MAGI2: variants seen among roughly 807,000 people sequenced by gnomAD.
MAGI2 encodes membrane-associated guanylate kinase, WW and PDZ domain-containing protein 2.
MAGI2 carries 35 observed loss-of-function variants against 133.3 expected under a neutral mutation model. The ratio of observed to expected loss-of-function variants is 0.26; its 90% CI spans 0.20 to 0.35. The LOEUF (loss-of-function observed/expected upper bound fraction) is 0.35, where lower values mean the gene tolerates loss of function less well. Ranked by LOEUF, MAGI2 falls within the 10% of genes least tolerant of loss-of-function variation. The pLI is 1.00. For missense variants in MAGI2, 1,636 were observed against 1,863.4 expected (o/e 0.88, Z 2.25); for synonymous variants, 729 against 710.6 (o/e 1.03, Z -0.41).
At chr7:78,255,795 A>T in intron 10 of MAGI2, 148 bp downstream of exon 10, 1 of 786,444 alleles carries the variant, frequency 1.3e-6, no homozygotes, top group Non-Finnish European at 2.0e-6. Context: ...GTTTCCTTTA[A>T]TTCATGTTTT....
At chr7:78,165,703 C>A (rs1825556234) in intron 15 of MAGI2, among the ~76,000 whole-genome samples, 1 of 152,148 alleles carries the variant, frequency 6.6e-6, no homozygotes. Context: ...ACCATCCACT[C>A]CTAAGCCAGG....
intron 1 of MAGI2, among the ~76,000 whole-genome samples, chr7:79,070,409 C>G (rs1027991973): frequency 2.0e-5 from 3 of 151,440 alleles, no homozygotes; most frequent in Non-Finnish European, 4.4e-5. Context: ...GCTATTGATA[C>G]TTGTATATGC....
intron 10 of MAGI2, among the ~76,000 whole-genome samples, chr7:78,245,920 C>T (rs1791727113): frequency 6.6e-6 from 1 of 152,170 alleles, no homozygotes. Flanking sequence ...ATGTCCTGCT[C>T]TCGGGGTGAG....
At chr7:79,447,581 T>C (rs921593551) in intron 1 of MAGI2, among the ~76,000 whole-genome samples, 4 of 152,036 alleles carry the variant, frequency 2.6e-5, no homozygotes, top group Admixed American at 6.6e-5. Context: ...TGCTTCACCT[T>C]GTAACAGTAT....
intron 2 of MAGI2, among the ~76,000 whole-genome samples, chr7:78,697,412 G>T: frequency 6.6e-6 from 1 of 152,110 alleles, no homozygotes; most frequent in East Asian, 1.9e-4. Flanking sequence ...GAGACTGAGT[G>T]CACGGACTTA....
intron 1 of MAGI2, among the ~76,000 whole-genome samples, chr7:79,399,090 C>T (rs13225401): frequency 0.022 from 2,211 of 100,142 alleles, 130 homozygotes; most frequent in East Asian, 0.13. Context: ...TTTTTTTTTT[C>T]TTTTCTTTTT....
intron 2 of MAGI2, among the ~76,000 whole-genome samples, chr7:78,717,345 T>C (rs995818387): frequency 1.3e-5 from 2 of 152,056 alleles, no homozygotes; most frequent in Non-Finnish European, 2.9e-5. Flanking sequence ...GAAAGGTATA[T>C]AATTAAGCAG....
At chr7:78,895,381 G>T (rs931791778) in intron 2 of MAGI2, among the ~76,000 whole-genome samples, 1 of 152,044 alleles carries the variant, frequency 6.6e-6, no homozygotes, top group Non-Finnish European at 1.5e-5. Flanking sequence ...CCATTATAGC[G>T]ACAGAAAATG....
At chr7:78,402,870 A>G (rs1797017027) in intron 6 of MAGI2, among the ~76,000 whole-genome samples, 1 of 152,224 alleles carries the variant, frequency 6.6e-6, no homozygotes, top group Admixed American at 6.5e-5. Context: ...CAAATATGTA[A>G]TATATGAGAA....
At chr7:78,880,788 TA>T (rs34413916) in intron 2 of MAGI2, among the ~76,000 whole-genome samples, 92,792 of 151,912 alleles carry the variant, frequency 0.61, 29,662 homozygotes, top group Middle Eastern at 0.75. Context: ...GCAAGCTGGA[TA>T]AAAAATTAAG....
chr7:78,983,064 A>T (rs1804927267), intron 2 of MAGI2, among the ~76,000 whole-genome samples: 1 of 151,986 alleles, frequency 6.6e-6, no homozygotes, highest in Non-Finnish European at 1.5e-5. Context: ...AATTTTTAGA[A>T]ATTTGATTAC....
In MAGI2 at chr7:78,920,364, A is replaced by ATGG. The variant is rs1358758260; in HGVS notation, c.418+86723_418+86725dup. On this transcript the variant is annotated intron_variant, in intron 2 of 21. Transcript: ENST00000354212. ...AATGTCTTAGAATAATTTCTTGAAC[A>ATGG]TGGTGAGTACTCAATAAATCTTTGT... is the stretch of plus-strand genomic sequence containing the variant. Among the ~76,000 whole-genome samples, 38 of 152,188 alleles carry ATGG rather than the reference A, an allele frequency of 2.5e-4. 1 individual carries two copies. Among genetic ancestry groups the ATGG allele is most frequent in the Non-Finnish European group, 2.2e-4 (15 of 68,018 alleles).
rs536018995 is a variant in MAGI2 at position 78,037,911 on chromosome 7, G to T, written c.3707-17935C>A. ...CTGAAGCAGTAGGAACTAGTTCCTGGGCTGTGTGCACGTCTGGAGTCTAAA... is the reference window on the plus strand; with the variant it reads ...CTGAAGCAGTAGGAACTAGTTCCTGTGCTGTGTGCACGTCTGGAGTCTAAA... On this transcript the variant is annotated intron_variant, in intron 21 of 21. Transcript: ENST00000354212. Among the ~76,000 whole-genome samples, 7 of 152,240 alleles carry T rather than the reference G, an allele frequency of 4.6e-5. No homozygotes were observed. The East Asian group carries it at 1.4e-3, about 29-fold the overall frequency.
At chr7:79,125,942 G>T (rs896999139) in intron 1 of MAGI2, among the ~76,000 whole-genome samples, 1 of 152,258 alleles carries the variant, frequency 6.6e-6, no homozygotes, top group Non-Finnish European at 1.5e-5. Flanking sequence ...CTGCTACAAA[G>T]AAGACATGTT....
rs867106924 is a variant in MAGI2 at position 78,127,418 on chromosome 7, T to G, written c.3204-2A>C. On this transcript the variant is annotated splice_acceptor_variant, in intron 18 of 21. Coordinates refer to ENST00000354212, the MANE Select transcript of MAGI2 (RefSeq NM_012301.4). LOFTEE classifies it high-confidence loss of function. Reference sequence around the variant, plus strand: ...CTTGCTTTCACTTCCGACCTGTAACTAAATCAATGGAAATGGGATTTGCTT... The same window carrying G: ...CTTGCTTTCACTTCCGACCTGTAACGAAATCAATGGAAATGGGATTTGCTT... 6.3e-7 allele frequency: 1 copy of G among 1,594,950 alleles called. No individual in the cohort carries two copies. Among genetic ancestry groups the G allele is most frequent in the Non-Finnish European group, 8.5e-7 (1 of 1,174,032 alleles).
intron 2 of MAGI2, among the ~76,000 whole-genome samples, chr7:78,768,859 A>G (rs1329259442): frequency 6.6e-6 from 1 of 152,196 alleles, no homozygotes; most frequent in Non-Finnish European, 1.5e-5. Flanking sequence ...CTCTTGCCTA[A>G]GATTTAAACC....
At chr7:79,190,805 AG>A (rs1361339341) in intron 1 of MAGI2, among the ~76,000 whole-genome samples, 6 of 151,832 alleles carry the variant, frequency 4.0e-5, no homozygotes, top group Non-Finnish European at 7.4e-5. Flanking sequence ...AGTATACACT[AG>A]TCTAATTTTT....
intron 1 of MAGI2, among the ~76,000 whole-genome samples, chr7:79,305,970 C>T (rs1000518124): frequency 6.6e-6 from 1 of 150,750 alleles, no homozygotes; most frequent in African/African-American, 2.4e-5. Flanking sequence ...GGAAATTGAA[C>T]TACATATTCC....
intron 3 of MAGI2, among the ~76,000 whole-genome samples, chr7:78,607,045 C>T (rs1002052505): frequency 6.6e-6 from 1 of 152,290 alleles, no homozygotes. Flanking sequence ...AACTCCATTG[C>T]TTTTTAAACG....
Sources: gnomAD v4.1 joint callset for allele counts (sites outside exome capture counted in the v4.1 genomes callset) on GRCh38, gnomAD v4.1.1 for gene constraint, MANE v1.5 for transcripts, NCBI Gene and HGNC (gene_info 2026-07-23, HGNC 2026-07-21) for gene names.